The following CDKL1 variants were observed in gnomAD, a reference collection of about 807,000 sequenced individuals.
CDKL1 encodes the protein cyclin dependent kinase like 1, also known as cyclin-dependent kinase-like 1.
A neutral mutation model predicts 42.0 loss-of-function variants in CDKL1; 41 were observed. That is an observed-to-expected ratio of 0.98 (90% CI 0.76 to 1.27). The LOEUF (loss-of-function observed/expected upper bound fraction) is 1.27. Ranked by LOEUF, CDKL1 falls within the 50% of genes most tolerant of loss-of-function variation. CDKL1 has a pLI of 0.00. For synonymous variants in CDKL1, 153 were observed against 158.6 expected, an observed-to-expected ratio of 0.96 and a Z score of 0.26; for missense variants, 394 against 428.4, an observed-to-expected ratio of 0.92 and a Z score of 0.71.
chr14:50,370,069 A>AT (rs796913429), intron 2 of CDKL1, among the ~76,000 whole-genome samples: 413 of 143,664 alleles, frequency 2.9e-3, no homozygotes, highest in African/African-American at 6.7e-3. Context: ...TCTTTTAGCA[A>AT]TTTTTTTTTT....
chr14:50,356,675 T>A (rs976557965), intron 3 of CDKL1, among the ~76,000 whole-genome samples: 1 of 152,224 alleles, frequency 6.6e-6, no homozygotes, highest in Non-Finnish European at 1.5e-5. Context: ...CTGAGGCCTG[T>A]CGGGGGCTGA....
chr14:50,350,405 T>C (rs934085290), intron 3 of CDKL1, among the ~76,000 whole-genome samples: 3 of 152,234 alleles, frequency 2.0e-5, no homozygotes, highest in African/African-American at 7.2e-5. Flanking sequence ...TTAATAGCTC[T>C]TCTAGCTCAA....
chr14:50,338,864 G>A (rs2033404483), intron 7 of CDKL1, 83 bp downstream of exon 7: 2 of 883,954 alleles, frequency 2.3e-6, no homozygotes, highest in African/African-American at 3.3e-5. Context: ...AATGCAGGGT[G>A]AGCCATGGGG....
chr14:50,395,628 CTGCACT>C (rs1328080832), intron 2 of CDKL1, 67 bp downstream of exon 2: 2 of 1,027,552 alleles, frequency 1.9e-6, no homozygotes, highest in Non-Finnish European at 2.9e-6. Context: ...GATCACATGG[CTGCACT>C]CCAGCCTGGG....
At position 50,342,247 on chromosome 14, in the gene CDKL1, A is replaced by C. The variant is rs11570836; in HGVS notation, c.364-25T>G. ...ACTAGTGTAACAAATCAAAACAAAA[A>C]CAATATTAAGGCTGAACTATATATG... On this transcript the variant is annotated intron_variant, in intron 4 of 9. Transcript: ENST00000395834. 0.21 allele frequency: 339,514 copies of C among 1,592,458 alleles called. 39,545 individuals carry two copies. The highest frequency in any genetic ancestry group is 0.36 in the African/African-American group (26,577 of 74,450).
Position 50,330,126 on chromosome 14 carries a change from T to C in CDKL1, c.1022A>G (p.Lys341Arg). The change falls in exon 10 of 10, where the codon AAG becomes AGG. Residue 341 changes from lysine to arginine, a missense_variant. Lys to Arg is a conservative substitution (Grantham distance 26). Transcript: ENST00000395834. ...GSSILPALDNKKYYCDTKKLN... is the reference protein window; with the variant it reads ...GSSILPALDNRKYYCDTKKLN... ...TTTCTTGGTATCACAGTAGTACTTC[T>C]TATTATCCAAAGCTGGAAGGATGCT... 1.2e-6 allele frequency: 2 copies of C among 1,609,866 alleles called. No individual in the cohort carries two copies. Among genetic ancestry groups the C allele is most frequent in the Non-Finnish European group, 1.7e-6 (2 of 1,179,202 alleles).
intron 2 of CDKL1, among the ~76,000 whole-genome samples, chr14:50,360,786 TTGTGTG>T (rs58307197): frequency 0.13 from 18,495 of 144,628 alleles, 1,320 homozygotes; most frequent in Admixed American, 0.21. Context: ...GTGTGTGTGT[TTGTGTG>T]TGTGTGTGTG....
At chr14:50,370,908 A>T (rs549396619) in intron 2 of CDKL1, among the ~76,000 whole-genome samples, 149 of 152,326 alleles carry the variant, frequency 9.8e-4, no homozygotes, top group Non-Finnish European at 1.1e-3. Flanking sequence ...AGCACTGGGG[A>T]TTATAATTCA....
chr14:50,377,027 C>T (rs903001471), intron 2 of CDKL1, among the ~76,000 whole-genome samples: 2 of 152,184 alleles, frequency 1.3e-5, no homozygotes, highest in African/African-American at 4.8e-5. Context: ...ATTCCAAAGG[C>T]TTTTATGTGG....
At position 50,332,903 on chromosome 14, in the gene CDKL1, C is replaced by CTTT. The variant is rs35560184; in HGVS notation, c.796-474_796-472dup. Reference sequence around the variant, plus strand: ...CCCTTCACCCTTCTAAAATCAGCTACTTTTTTTTTTTTTTTTTTTTGGTGT... The same window carrying CTTT: ...CCCTTCACCCTTCTAAAATCAGCTACTTTTTTTTTTTTTTTTTTTTTTTGGTGT... On this transcript the variant is annotated intron_variant, in intron 8 of 9. Transcript: ENST00000395834. The CTTT allele has an allele frequency of 1.0e-3, 267 of 262,950 alleles. 2 individuals carry two copies. The highest frequency in any genetic ancestry group is 5.6e-3 in the African/African-American group (209 of 37,426). 16.3% of individuals were successfully genotyped at this position (262,950 alleles called of 1,614,324 possible). A position where few individuals can be genotyped will look rare whatever the true frequency, so the allele number is the denominator to read the frequency against.
chr14:50,342,918 G>C (rs1266812582), intron 4 of CDKL1: 2 of 1,342,980 alleles, frequency 1.5e-6, no homozygotes, highest in Non-Finnish European at 9.9e-7. Flanking sequence ...TCTGGGGAGA[G>C]TCGCTAGATG....
At chr14:50,367,620 C>T (rs776374946) in intron 2 of CDKL1, among the ~76,000 whole-genome samples, 9 of 152,212 alleles carry the variant, frequency 5.9e-5, no homozygotes, top group Non-Finnish European at 1.0e-4. Context: ...AACATGTTCA[C>T]GGTACATACA....
At chr14:50,362,804 C>T (rs373073311) in intron 2 of CDKL1, 138 of 283,044 alleles carry the variant, frequency 4.9e-4, no homozygotes, top group African/African-American at 2.9e-3. Context: ...AATTGGCTCT[C>T]TGTAAAATGG....
At chr14:50,371,911 G>C (rs2034601341) in intron 2 of CDKL1, among the ~76,000 whole-genome samples, 1 of 152,234 alleles carries the variant, frequency 6.6e-6, no homozygotes. Context: ...CAAGCCCAGG[G>C]ACTGTCATGA....
chr14:50,334,697 A>G (rs2033157782), intron 7 of CDKL1, 76 bp from the exon 8 acceptor site: 2 of 953,118 alleles, frequency 2.1e-6, no homozygotes, highest in South Asian at 2.6e-5. Flanking sequence ...ATCTTTTGAT[A>G]GAAACATTTT....
intron 2 of CDKL1, among the ~76,000 whole-genome samples, chr14:50,378,788 C>T (rs1187589079): frequency 6.6e-6 from 1 of 152,080 alleles, no homozygotes; most frequent in Non-Finnish European, 1.5e-5. Context: ...TCTGCCACCT[C>T]CGCATCCCAA....
intron 6 of CDKL1, among the ~76,000 whole-genome samples, chr14:50,339,277 A>G (rs902505164): frequency 6.6e-6 from 1 of 151,988 alleles, no homozygotes; most frequent in African/African-American, 2.4e-5. Flanking sequence ...TCTTGCTCTC[A>G]GGTTCTTGTT....
At chr14:50,351,646 G>A (rs1218878784) in intron 3 of CDKL1, among the ~76,000 whole-genome samples, 1 of 151,068 alleles carries the variant, frequency 6.6e-6, no homozygotes, top group Non-Finnish European at 1.5e-5. Context: ...GAGGTGGGAG[G>A]ATTATTTGAG....
rs986285931 is a variant in CDKL1, at chr14:50,330,348, T to G, written c.967-167A>C. The G allele has an allele frequency of 7.6e-6, 6 of 788,458 alleles. No homozygotes were observed. The African/African-American group carries it at 1.1e-4, about 15-fold the overall frequency. The allele number at this position is 788,458 out of a possible 1,614,324, so 48.8% of individuals were successfully genotyped here. ...TTAAATGTTTCAATTTCGTCTTGGC[T>G]TTTCCTTTTAAATGTTTATATTAAA... On this transcript the variant is annotated intron_variant, in intron 9 of 9. Transcript: ENST00000395834.
Sources: gnomAD v4.1 joint callset for allele counts (sites outside exome capture counted in the v4.1 genomes callset) on GRCh38, gnomAD v4.1.1 for gene constraint, MANE v1.5 for transcripts, NCBI Gene and HGNC (gene_info 2026-07-23, HGNC 2026-07-21) for gene names.